Variants in COBL observed in about 807,000 individuals in gnomAD.
COBL encodes the protein cordon-bleu WH2 repeat protein, also known as protein cordon-bleu.
A neutral mutation model predicts 98.8 loss-of-function variants in COBL; 51 were observed. The observed-to-expected ratio is 0.52, with a 90% CI of 0.41 to 0.65. COBL has a LOEUF of 0.65. Ranked by LOEUF, COBL falls within the 30% of genes least tolerant of loss-of-function variation. The probability of loss-of-function intolerance (pLI) is 0.00; values close to 1 mark genes in which losing one functional copy is unlikely to be tolerated. For missense variants in COBL, 1,617 were observed against 1,617.5 expected (o/e 1.00, Z 0.01); for synonymous variants, 634 against 651.7 (o/e 0.97, Z 0.41).
chr7:51,154,975 T>A (rs1785974022), intron 5 of COBL, among the ~76,000 whole-genome samples: 1 of 152,214 alleles, frequency 6.6e-6, no homozygotes, highest in African/African-American at 2.4e-5. Flanking sequence ...AAGTTCCTAC[T>A]CTTGTTTCCA....
intron 5 of COBL, among the ~76,000 whole-genome samples, chr7:51,182,940 A>T (rs556852070): frequency 1.2e-4 from 19 of 152,320 alleles, no homozygotes; most frequent in Non-Finnish European, 2.5e-4. Flanking sequence ...TTCTGTTCTC[A>T]TCTGGCTCTC....
chr7:51,239,000 T>C (rs1795526069), intron 1 of COBL, among the ~76,000 whole-genome samples: 1 of 152,168 alleles, frequency 6.6e-6, no homozygotes, highest in Non-Finnish European at 1.5e-5. Flanking sequence ...GTAAATTATA[T>C]AAACTTATGG....
chr7:51,060,540 T>A (rs1791229517), intron 7 of COBL, among the ~76,000 whole-genome samples: 1 of 133,876 alleles, frequency 7.5e-6, no homozygotes, highest in Non-Finnish European at 1.6e-5. Flanking sequence ...TAGCAGTACC[T>A]TAGAGGGCTC....
chr7:51,254,069 TTG>T (rs1179070174), intron 1 of COBL, among the ~76,000 whole-genome samples: 2 of 132,158 alleles, frequency 1.5e-5, no homozygotes, highest in African/African-American at 2.5e-5. Context: ...CCTTTTTGAG[TTG>T]TTTTTTTTTT....
intron 8 of COBL, among the ~76,000 whole-genome samples, chr7:51,039,239 C>G (rs1456710180): frequency 2.6e-5 from 4 of 152,242 alleles, no homozygotes; most frequent in East Asian, 1.9e-4. Flanking sequence ...CCGCCAGAGT[C>G]TGAACATGGA....
chr7:51,116,763 C>G (rs1797306959), intron 6 of COBL, among the ~76,000 whole-genome samples: 1 of 151,864 alleles, frequency 6.6e-6, no homozygotes, highest in South Asian at 2.1e-4. Context: ...AATGGCAATT[C>G]TTTATATTTT....
intron 1 of COBL, among the ~76,000 whole-genome samples, chr7:51,286,594 A>C (rs1376227223): frequency 4.6e-5 from 7 of 152,190 alleles, no homozygotes; most frequent in Non-Finnish European, 1.0e-4. Flanking sequence ...GGTGATTATC[A>C]AAAAGTCAAA....
At chr7:51,130,227 G>A (rs867369085) in intron 6 of COBL, among the ~76,000 whole-genome samples, 2 of 152,270 alleles carry the variant, frequency 1.3e-5, no homozygotes, top group African/African-American at 4.8e-5. Context: ...CTACTTTGCT[G>A]AGCCTCAGCC....
At chr7:51,053,702 CCT>C (rs1166286168) in intron 7 of COBL, among the ~76,000 whole-genome samples, 1 of 152,340 alleles carries the variant, frequency 6.6e-6, no homozygotes, top group South Asian at 2.1e-4. Context: ...CTCGCCTGCC[CCT>C]GAGAGGTGCC....
At chr7:51,202,255 A>G (rs1791200066) in intron 2 of COBL, among the ~76,000 whole-genome samples, 1 of 152,210 alleles carries the variant, frequency 6.6e-6, no homozygotes, top group Non-Finnish European at 1.5e-5. Flanking sequence ...CTAGGGTAAA[A>G]ATGAATCTTC....
intron 6 of COBL, among the ~76,000 whole-genome samples, chr7:51,117,184 T>C (rs1797347914): frequency 7.8e-6 from 1 of 128,440 alleles, no homozygotes; most frequent in South Asian, 2.4e-4. Context: ...TATGTAGCTA[T>C]GCACAGTTTT....
intron 2 of COBL, among the ~76,000 whole-genome samples, chr7:51,199,144 G>A (rs977702545): frequency 3.3e-5 from 5 of 152,110 alleles, no homozygotes; most frequent in Non-Finnish European, 5.9e-5. Flanking sequence ...GTAGTCATGT[G>A]ACCTGGCTTC....
intron 6 of COBL, among the ~76,000 whole-genome samples, chr7:51,106,373 T>A (rs1468373701): frequency 6.6e-6 from 1 of 152,114 alleles, no homozygotes; most frequent in African/African-American, 2.4e-5. Context: ...CCGACCCCTG[T>A]GTGTAAGGGG....
chr7:51,290,238 A>T (rs1800763282), intron 1 of COBL, among the ~76,000 whole-genome samples: 1 of 152,238 alleles, frequency 6.6e-6, no homozygotes, highest in South Asian at 2.1e-4. Context: ...CAGTGGCATA[A>T]ATTATGTGCT....
chr7:51,197,323 G>T (rs914024198), intron 2 of COBL, among the ~76,000 whole-genome samples: 4 of 151,866 alleles, frequency 2.6e-5, no homozygotes, highest in African/African-American at 9.7e-5. Context: ...CCATGTAATT[G>T]TATGGTTTTG....
chr7:51,187,680 T>C (rs1789678258), intron 4 of COBL, among the ~76,000 whole-genome samples: 1 of 152,114 alleles, frequency 6.6e-6, no homozygotes, highest in African/African-American at 2.4e-5. Context: ...TTCTCATCAA[T>C]TAGAGCCACA....
At chr7:51,141,924 G>T (rs908023005) in intron 5 of COBL, among the ~76,000 whole-genome samples, 1 of 152,164 alleles carries the variant, frequency 6.6e-6, no homozygotes, top group Admixed American at 6.5e-5. Flanking sequence ...TCCCAAGAGG[G>T]TGTTCTCTGT....
chr7:51,305,914 T>TAATCCC (rs967499287), intron 1 of COBL, among the ~76,000 whole-genome samples: 2 of 152,114 alleles, frequency 1.3e-5, no homozygotes, highest in African/African-American at 4.8e-5. Flanking sequence ...CACGTGCCTG[T>TAATCCC]AATCCCAGCT....
intron 7 of COBL, among the ~76,000 whole-genome samples, chr7:51,079,774 C>T (rs1013304746): frequency 7.2e-5 from 11 of 152,190 alleles, no homozygotes; most frequent in African/African-American, 1.9e-4. Context: ...AGCCGGCTGC[C>T]GAGAGGTGGC....
Sources: gnomAD v4.1 joint callset for allele counts (sites outside exome capture counted in the v4.1 genomes callset) on GRCh38, gnomAD v4.1.1 for gene constraint, MANE v1.5 for transcripts, NCBI Gene and HGNC (gene_info 2026-07-23, HGNC 2026-07-21) for gene names.